The following ARHGEF17 variants were observed in gnomAD, a reference collection of about 807,000 sequenced individuals.
ARHGEF17 encodes Rho guanine nucleotide exchange factor 17.
Under a neutral mutation model 174.0 loss-of-function variants are expected in ARHGEF17, and 80 were observed. That is an observed-to-expected ratio of 0.46 (90% CI 0.38 to 0.55). The LOEUF is 0.55. Ranked by LOEUF, ARHGEF17 falls within the 20% of genes least tolerant of loss-of-function variation. The probability of loss-of-function intolerance (pLI) is 0.00; values close to 1 mark genes in which losing one functional copy is unlikely to be tolerated. For synonymous variants in ARHGEF17, 1,311 were observed against 1,189.1 expected (o/e 1.10, Z -2.11); for missense variants, 2,886 against 2,839.7 (o/e 1.02, Z -0.37).
chr11:73,315,773 C>T (rs571329795), intron 1 of ARHGEF17, among the ~76,000 whole-genome samples: 3 of 152,300 alleles, frequency 2.0e-5, no homozygotes, highest in South Asian at 2.1e-4. Context: ...AGGAATGAGT[C>T]CTCCCCAGCG....
At chr11:73,367,038 G>A (rs894450148) in intron 20 of ARHGEF17, among the ~76,000 whole-genome samples, 4 of 151,626 alleles carry the variant, frequency 2.6e-5, no homozygotes, top group Admixed American at 2.0e-4. Context: ...GCAAAATTCC[G>A]TCTCAAAAAA....
Position 73,309,038 on chromosome 11 carries a change from G to C in ARHGEF17, c.400G>C (p.Gly134Arg). ...PSVTEMRKLFGGPGSRRPSAD... is the reference protein window; with the variant it reads ...PSVTEMRKLFRGPGSRRPSAD... ...CGTCACCGAGATGCGCAAGCTCTTCGGCGGTCCTGGCTCCAGGAGGCCCAG... is the reference window on the plus strand; with the variant it reads ...CGTCACCGAGATGCGCAAGCTCTTCCGCGGTCCTGGCTCCAGGAGGCCCAG... Residue 134 changes from glycine to arginine, a missense_variant, in exon 1 of 21, where the codon GGC becomes CGC. Coordinates refer to ENST00000263674, the MANE Select transcript of ARHGEF17 (RefSeq NM_014786.4). 6.9e-7 allele frequency: 1 copy of C among 1,441,584 alleles called. No individual in the cohort carries two copies. The allele number at this position is 1,441,584 out of a possible 1,614,324, so 89.3% of individuals were successfully genotyped here.
intron 3 of ARHGEF17, among the ~76,000 whole-genome samples, chr11:73,354,426 A>G (rs551319135): frequency 6.6e-6 from 1 of 152,334 alleles, no homozygotes; most frequent in East Asian, 1.9e-4. Flanking sequence ...TTAGAGGGAC[A>G]GGACTCTGGC....
chr11:73,356,695 C>T lies in ARHGEF17; in HGVS notation c.3841-14C>T. ...AACTGGCCTTCGAGATGCCTTGTCC[C>T]TCCTGTCCCACAGCTCCAGGCCCCT... On this transcript the variant is annotated splice_polypyrimidine_tract_variant and intron_variant, in intron 6 of 20. Coordinates refer to ENST00000263674, the MANE Select transcript of ARHGEF17 (RefSeq NM_014786.4). 6.2e-7 allele frequency: 1 copy of T among 1,614,146 alleles called. No individual in the cohort carries two copies. Among genetic ancestry groups the T allele is most frequent in the African/African-American group, 1.3e-5 (1 of 75,046 alleles).
At chr11:73,339,123 C>T (rs1865329606) in intron 1 of ARHGEF17, among the ~76,000 whole-genome samples, 1 of 152,196 alleles carries the variant, frequency 6.6e-6, no homozygotes. Context: ...CCAGTACCGG[C>T]ATTTCTCCTT....
chr11:73,323,489 G>A (rs987375562), intron 1 of ARHGEF17, among the ~76,000 whole-genome samples: 6 of 152,226 alleles, frequency 3.9e-5, no homozygotes, highest in African/African-American at 1.4e-4. Flanking sequence ...GTGCTATTCT[G>A]TGGCCCCGCA....
chr11:73,352,249 GGGAGGC>G (rs1865566576), intron 2 of ARHGEF17, among the ~76,000 whole-genome samples: 1 of 152,124 alleles, frequency 6.6e-6, no homozygotes, highest in Non-Finnish European at 1.5e-5. Flanking sequence ...ACTTGAACCC[GGGAGGC>G]GGAGGTTGCA....
rs758995172 is a variant in ARHGEF17 at position 73,310,923 on chromosome 11, C to T, written c.2285C>T (p.Ser762Leu). ...TCTGTGGACAGCAACCTCCTGGGCT[C>T]ACTGAGCCCCAAGACAGGGCTCCCT... is the stretch of plus-strand genomic sequence containing the variant. ...GFSVDSNLLG[S>L]LSPKTGLPAT... Residue 762 changes from serine (S) to leucine (L), a missense_variant, in exon 1 of 21, where the codon TCA becomes TTA. Coordinates refer to ENST00000263674, the MANE Select transcript of ARHGEF17 (RefSeq NM_014786.4). The T allele has an allele frequency of 2.5e-6, 4 of 1,613,974 alleles. No homozygotes were observed. In the South Asian group the frequency reaches 3.3e-5, roughly 13 times the overall value.
intron 2 of ARHGEF17, among the ~76,000 whole-genome samples, chr11:73,351,413 G>A (rs1407089488): frequency 6.6e-6 from 1 of 152,134 alleles, no homozygotes; most frequent in East Asian, 1.9e-4. Context: ...GGCTATTAAA[G>A]CTAGGGGAAC....
In ARHGEF17 at chr11:73,323,263, C is replaced by G. The variant is rs935145965; in HGVS notation, c.3192+11433C>G. Among the ~76,000 whole-genome samples the G allele has an allele frequency of 3.9e-5, 6 of 152,198 alleles. 1 individual carries two copies. ...GCAGGCTTGGGCTGCCTTGCTGGCTCTAACCTAAGACAAGTCCCTCTGCCT... is the reference window on the plus strand; with the variant it reads ...GCAGGCTTGGGCTGCCTTGCTGGCTGTAACCTAAGACAAGTCCCTCTGCCT... On this transcript the variant is annotated intron_variant, in intron 1 of 20. Coordinates refer to ENST00000263674, the MANE Select transcript of ARHGEF17 (RefSeq NM_014786.4).
At chr11:73,333,937 A>G (rs1865248654) in intron 1 of ARHGEF17, among the ~76,000 whole-genome samples, 3 of 152,248 alleles carry the variant, frequency 2.0e-5, no homozygotes, top group Admixed American at 6.5e-5. Flanking sequence ...GAACATGGAC[A>G]TTCTAAACTA....
At chr11:73,352,010 G>A (rs1440902594) in intron 2 of ARHGEF17, among the ~76,000 whole-genome samples, 1 of 152,094 alleles carries the variant, frequency 6.6e-6, no homozygotes, top group East Asian at 1.9e-4. Flanking sequence ...TAATTTAATT[G>A]GCAACCAGTT....
Position 73,365,509 on chromosome 11 carries a change from C to A in ARHGEF17, c.5670C>A (p.Thr1890=), listed in dbSNP as rs1865820342. 4 of 1,614,144 alleles carry A rather than the reference C, an allele frequency of 2.5e-6. No homozygotes were observed. In the East Asian group the frequency reaches 8.9e-5, roughly 36 times the overall value. ...ACGTGTGTCTCTACCATCCAGACAC[C>A]TTTGAGCAGCTGGCAGAAGTAGACG... ...SAHVCLYHPD[T]FEQLAEVDVT... The change falls in exon 19 of 21, where the codon ACC becomes ACA. Residue 1890 remains threonine (T), a synonymous_variant. Transcript: ENST00000263674. This position sits in a 1 kb window ranked among gnomAD's most constrained non-coding sequence, Gnocchi z 4.9.
At chr11:73,338,942 A>G (rs934841190) in intron 1 of ARHGEF17, among the ~76,000 whole-genome samples, 5 of 152,152 alleles carry the variant, frequency 3.3e-5, no homozygotes, top group Non-Finnish European at 7.4e-5. Flanking sequence ...AAGTGATGGT[A>G]GGGTGCCTGG....
chr11:73,316,725 A>T (rs140170190), intron 1 of ARHGEF17, among the ~76,000 whole-genome samples: 1 of 152,328 alleles, frequency 6.6e-6, no homozygotes, highest in East Asian at 1.9e-4. Flanking sequence ...GGCCAATAGG[A>T]GGACTTCAGC....
In ARHGEF17 at chr11:73,352,941, C is replaced by G. The variant is rs751113357; in HGVS notation, c.3382C>G (p.Leu1128Val). 6.2e-7 allele frequency: 1 copy of G among 1,614,032 alleles called. No homozygotes were observed. Among genetic ancestry groups the G allele is most frequent in the African/African-American group, 1.3e-5 (1 of 74,932 alleles). The change falls in exon 3 of 21, where the codon CTG becomes GTG. Residue 1128 changes from leucine to valine, a missense_variant. Transcript: ENST00000263674. The stretch of plus-strand genomic sequence containing the variant: ...GCTCCTGGAGCACCACGAGCAATTC[C>G]TGGAGCAGGTTCGGCACTGCATGCA... Reference protein sequence around the residue: ...PELLEHHEQFLEQVRHCMQTW... With the variant: ...PELLEHHEQFVEQVRHCMQTW...
chr11:73,316,789 G>A (rs1864935281), intron 1 of ARHGEF17, among the ~76,000 whole-genome samples: 1 of 152,234 alleles, frequency 6.6e-6, no homozygotes, highest in African/African-American at 2.4e-5. Context: ...GAGTGGAATA[G>A]TGGCCTGGTC....
intron 1 of ARHGEF17, among the ~76,000 whole-genome samples, chr11:73,333,598 C>T (rs1865243527): frequency 6.6e-6 from 1 of 152,216 alleles, no homozygotes. Context: ...GGGGGCTTCC[C>T]TCGGCTCTGG....
At chr11:73,331,657 G>A (rs1056137389) in intron 1 of ARHGEF17, among the ~76,000 whole-genome samples, 1 of 152,130 alleles carries the variant, frequency 6.6e-6, no homozygotes, top group African/African-American at 2.4e-5. Context: ...GACTCAGCTG[G>A]CTTCTCATTT....
Sources: gnomAD v4.1 joint callset for allele counts (sites outside exome capture counted in the v4.1 genomes callset) on GRCh38, gnomAD v4.1.1 for gene constraint, Gnocchi (gnomAD v3.1) non-coding constraint, MANE v1.5 for transcripts, NCBI Gene and HGNC (gene_info 2026-07-23, HGNC 2026-07-21) for gene names.